The following SHISA6 variants were observed in gnomAD, a reference collection of about 807,000 sequenced individuals.
SHISA6 encodes the protein protein shisa-6.
SHISA6 carries 22 observed loss-of-function variants against 47.9 expected under a neutral mutation model. The observed-to-expected ratio is 0.46, with a 90% CI of 0.33 to 0.66. The LOEUF is 0.66. Ranked by LOEUF, SHISA6 falls within the 30% of genes least tolerant of loss-of-function variation. The pLI, the probability that SHISA6 is intolerant of heterozygous loss-of-function variation, is 0.02. For missense variants in SHISA6, 680 were observed against 764.6 expected (o/e 0.89, Z 1.30); for synonymous variants, 388 against 337.8 (o/e 1.15, Z -1.63).
chr17:11,453,871 C>T (rs1915465311), intron 3 of SHISA6, among the ~76,000 whole-genome samples: 1 of 152,134 alleles, frequency 6.6e-6, no homozygotes, highest in South Asian at 2.1e-4. Context: ...GGACAGAGAA[C>T]AGATCAGTTG....
intron 2 of SHISA6, among the ~76,000 whole-genome samples, chr17:11,360,826 C>T (rs1165742803): frequency 4.0e-5 from 6 of 151,476 alleles, no homozygotes; most frequent in Non-Finnish European, 7.4e-5. Flanking sequence ...ATCTCCAGGC[C>T]CACACCTTTC....
intron 2 of SHISA6, among the ~76,000 whole-genome samples, chr17:11,333,806 G>A (rs1226266713): frequency 6.6e-6 from 1 of 152,166 alleles, no homozygotes; most frequent in Non-Finnish European, 1.5e-5. Context: ...AGGCCAAGGA[G>A]GGTGGATCAC....
At chr17:11,409,767 G>A (rs569931517) in intron 3 of SHISA6, among the ~76,000 whole-genome samples, 38 of 151,488 alleles carry the variant, frequency 2.5e-4, no homozygotes, top group South Asian at 1.3e-3. Flanking sequence ...AAAGTTAGGA[G>A]TTCTTGGGAT....
intron 2 of SHISA6, among the ~76,000 whole-genome samples, chr17:11,333,069 A>G (rs529512677): frequency 2.6e-5 from 4 of 152,216 alleles, no homozygotes; most frequent in Non-Finnish European, 4.4e-5. Context: ...CATCTTTATC[A>G]CTGTGACAAG....
At chr17:11,300,005 C>T (rs575119213) in intron 2 of SHISA6, among the ~76,000 whole-genome samples, 5 of 151,964 alleles carry the variant, frequency 3.3e-5, no homozygotes, top group Non-Finnish European at 5.9e-5. Context: ...ATTAGCTGGG[C>T]GTGGTGGCAT....
chr17:11,340,160 A>G (rs947666198), intron 2 of SHISA6, among the ~76,000 whole-genome samples: 4 of 152,218 alleles, frequency 2.6e-5, no homozygotes, highest in African/African-American at 9.6e-5. Flanking sequence ...TTGAGCACCA[A>G]TGAACTGAAT....
At chr17:11,249,489 TA>T (rs1291390182) in intron 1 of SHISA6, among the ~76,000 whole-genome samples, 5 of 152,162 alleles carry the variant, frequency 3.3e-5, no homozygotes, top group Non-Finnish European at 7.4e-5. Flanking sequence ...AATCTGGGCT[TA>T]ATCATTATGT....
chr17:11,430,414 A>C (rs1914721554), intron 3 of SHISA6, among the ~76,000 whole-genome samples: 1 of 152,154 alleles, frequency 6.6e-6, no homozygotes. Context: ...TCTCTGAGGG[A>C]CTATGATCAA....
At chr17:11,253,244 A>G (rs115879888) in intron 1 of SHISA6, among the ~76,000 whole-genome samples, 2 of 151,328 alleles carry the variant, frequency 1.3e-5, no homozygotes, top group African/African-American at 4.9e-5. Context: ...TCCTGCCACA[A>G]CTTCATTAAG....
In SHISA6 at chr17:11,402,011, C is replaced by T. The variant is rs148900466; in HGVS notation, c.895+22502C>T. ...TTCATAAAGGGACAGAAGGGAGGCACGCAGCAGGCACTGGTCCTTAGCAAT... is the reference window on the plus strand; with the variant it reads ...TTCATAAAGGGACAGAAGGGAGGCATGCAGCAGGCACTGGTCCTTAGCAAT... On this transcript the variant is annotated intron_variant, in intron 3 of 5. Coordinates refer to ENST00000441885, the MANE Select transcript of SHISA6 (RefSeq NM_207386.4). Among the ~76,000 whole-genome samples, 769 of 152,266 alleles carry T rather than the reference C, an allele frequency of 5.1e-3. 10 individuals carry two copies. The highest frequency in any genetic ancestry group is 0.017 in the African/African-American group (703 of 41,540).
At chr17:11,333,927 T>G (rs1911223443) in intron 2 of SHISA6, among the ~76,000 whole-genome samples, 2 of 152,146 alleles carry the variant, frequency 1.3e-5, no homozygotes, top group African/African-American at 4.8e-5. Flanking sequence ...CATTGGCAAT[T>G]AAGTTTCTAC....
rs1448945953 is a variant in SHISA6, at chr17:11,561,822, CT to C, written c.*3521del. The C allele has an allele frequency of 1.3e-5, 2 of 152,154 alleles. No individual in the cohort carries two copies. The highest frequency in any genetic ancestry group is 4.8e-5 in the African/African-American group (2 of 41,436). The allele number at this position is 152,154 out of a possible 1,614,324, so 9.4% of individuals were successfully genotyped here. ...GAAAACAATGGAAGAATAAGACATTCTTTCGGTCTTCTGTTTGCCTCACTGG... is the reference window on the plus strand; with the variant it reads ...GAAAACAATGGAAGAATAAGACATTCTTCGGTCTTCTGTTTGCCTCACTGG... On this transcript the variant is annotated 3_prime_UTR_variant, in exon 6 of 6. Coordinates refer to ENST00000441885, the MANE Select transcript of SHISA6 (RefSeq NM_207386.4).
In SHISA6 at chr17:11,241,774, C is replaced by T. The variant is rs1421642841; in HGVS notation, c.352C>T (p.Leu118=). The T allele has an allele frequency of 9.0e-6, 14 of 1,549,444 alleles. No homozygotes were observed. The Admixed American group carries it at 1.6e-4, about 17-fold the overall frequency. Residue 118 remains leucine (L), a synonymous_variant, in exon 1 of 6, where the codon CTG becomes TTG. Coordinates refer to ENST00000441885, the MANE Select transcript of SHISA6 (RefSeq NM_207386.4). The surrounding 1 kb of genome is among the most constrained non-coding windows in gnomAD (Gnocchi z 5.5). The part of the protein sequence containing the change: ...FECNNSESGY[L]YCCGTCYYRF... ...GTGTAACAACAGCGAGAGCGGCTAC[C>T]TGTACTGCTGCGGTACCTGCTACTA...
At chr17:11,451,442 G>A (rs954810166) in intron 3 of SHISA6, among the ~76,000 whole-genome samples, 4 of 152,204 alleles carry the variant, frequency 2.6e-5, no homozygotes, top group African/African-American at 9.6e-5. Flanking sequence ...ATACTCTCAA[G>A]GGGGTTACAT....
At chr17:11,331,061 A>G (rs1412454039) in intron 2 of SHISA6, among the ~76,000 whole-genome samples, 1 of 152,198 alleles carries the variant, frequency 6.6e-6, no homozygotes, top group African/African-American at 2.4e-5. Context: ...CCTTGAGGTG[A>G]GAGTCAGATT....
At chr17:11,400,570 C>G (rs1211748444) in intron 3 of SHISA6, among the ~76,000 whole-genome samples, 1 of 152,190 alleles carries the variant, frequency 6.6e-6, no homozygotes, top group Non-Finnish European at 1.5e-5. Flanking sequence ...GAATCCCTGC[C>G]TCCACCCTCT....
At chr17:11,492,464 A>G (rs1978344) in intron 3 of SHISA6, among the ~76,000 whole-genome samples, 77,135 of 152,000 alleles carry the variant, frequency 0.51, 19,933 homozygotes, top group East Asian at 0.56. Context: ...CCAGCAGTCA[A>G]TATTTACTAT....
At position 11,309,144 on chromosome 17, in the gene SHISA6, T is replaced by C. The variant is rs80180803; in HGVS notation, c.799+45618T>C. ...CATGCTTAGCCAATTTAAAAAATGATTTTAGAGATGGGGTCTTGCTATGCT... is the reference window on the plus strand; with the variant it reads ...CATGCTTAGCCAATTTAAAAAATGACTTTAGAGATGGGGTCTTGCTATGCT... On this transcript the variant is annotated intron_variant, in intron 2 of 5. Coordinates refer to ENST00000441885, the MANE Select transcript of SHISA6 (RefSeq NM_207386.4). 3.7e-3 allele frequency among the ~76,000 whole-genome samples: 566 copies of C among 152,200 alleles called. 1 individual carries two copies. The highest frequency in any genetic ancestry group is 6.0e-3 in the Non-Finnish European group (407 of 67,996).
intron 2 of SHISA6, among the ~76,000 whole-genome samples, chr17:11,337,649 T>C (rs1208503571): frequency 6.6e-6 from 1 of 152,172 alleles, no homozygotes; most frequent in Non-Finnish European, 1.5e-5. Context: ...GAGAATCAGC[T>C]TATAGGTTAC....
Sources: allele counts gnomAD v4.1 joint callset (sites outside exome capture counted in the v4.1 genomes callset), GRCh38; gene constraint gnomAD v4.1.1; non-coding constraint Gnocchi (gnomAD v3.1); transcripts MANE v1.5; gene names NCBI Gene and HGNC (gene_info 2026-07-23, HGNC 2026-07-21).